Variants in P3H2 observed in about 807,000 individuals in gnomAD.
P3H2 encodes the protein leprecan-like 1.
In P3H2, 80 loss-of-function variants were observed where a neutral mutation model predicts 87.0. The observed-to-expected ratio is 0.92, with a 90% CI of 0.77 to 1.11. The LOEUF (loss-of-function observed/expected upper bound fraction) is 1.11, where lower values mean the gene tolerates loss of function less well. Among genes scored for constraint, P3H2 ranks in the 50% least tolerant of loss-of-function variants. The pLI is 0.00. For synonymous variants in P3H2, 367 were observed against 359.3 expected (o/e 1.02, Z -0.24); for missense variants, 1,001 against 923.9 (o/e 1.08, Z -1.08).
At chr3:190,079,035 C>G (rs556152553) in intron 1 of P3H2, among the ~76,000 whole-genome samples, 1 of 152,196 alleles carries the variant, frequency 6.6e-6, no homozygotes, top group Non-Finnish European at 1.5e-5. Flanking sequence ...CATCAACATT[C>G]TATGACTTAA....
chr3:190,112,939 AAGAC>A (rs1435882670), intron 1 of P3H2, among the ~76,000 whole-genome samples: 2 of 152,224 alleles, frequency 1.3e-5, no homozygotes, highest in Non-Finnish European at 2.9e-5. Context: ...GGAAAAAAAA[AAGAC>A]AGGAGGAATT....
Position 189,987,542 on chromosome 3 carries a change from G to A in P3H2, c.1083C>T (p.Ser361=), listed in dbSNP as rs1723743540. The change falls in exon 5 of 15, where the codon TCC becomes TCT. Residue 361 remains serine, a synonymous_variant. Transcript: ENST00000319332. The part of the protein sequence containing the change: ...SLLDDSIDPA[S]IEAREDLTMF... ...TTGGTCTCACCTCTCTGGCCTCAAT[G>A]GATGCCGGGTCAATGCTATCATCCA... 6.2e-7 allele frequency: 1 copy of A among 1,613,528 alleles called. No individual in the cohort carries two copies. The highest frequency in any genetic ancestry group is 1.3e-5 in the African/African-American group (1 of 74,782).
At chr3:190,075,981 G>C (rs149687099) in intron 1 of P3H2, among the ~76,000 whole-genome samples, 320 of 152,218 alleles carry the variant, frequency 2.1e-3, no homozygotes, top group Non-Finnish European at 3.7e-3. Flanking sequence ...CAGGAAATTT[G>C]AGCATGGCTT....
chr3:190,043,666 C>A (rs967066869), intron 1 of P3H2, among the ~76,000 whole-genome samples: 11 of 152,206 alleles, frequency 7.2e-5, no homozygotes, highest in Admixed American at 3.3e-4. Context: ...CAAACTAACA[C>A]ATCCCTCACC....
At chr3:189,974,257 C>T in intron 9 of P3H2, 1 of 589,670 alleles carries the variant, frequency 1.7e-6, no homozygotes, top group East Asian at 2.9e-5. Flanking sequence ...TGATATATTG[C>T]CTAATAATTA....
At chr3:190,008,655 G>A (rs942708862) in intron 1 of P3H2, among the ~76,000 whole-genome samples, 1 of 152,190 alleles carries the variant, frequency 6.6e-6, no homozygotes, top group Non-Finnish European at 1.5e-5. Context: ...AGAAAAGACT[G>A]CCACTATGCA....
At chr3:190,081,502 G>A (rs1727042881) in intron 1 of P3H2, among the ~76,000 whole-genome samples, 1 of 152,156 alleles carries the variant, frequency 6.6e-6, no homozygotes, top group Admixed American at 6.5e-5. Context: ...TTGGAAAAAA[G>A]AGAAAGGGCC....
In P3H2 at chr3:189,978,042, G is replaced by A. The variant is rs1043706824; in HGVS notation, c.1325-3357C>T. ...GGCATTCCCTCGAATATTTGGAAAA[G>A]TGAACTGTATATTCCATTCCAATTT... On this transcript the variant is annotated intron_variant, in intron 8 of 14. Transcript: ENST00000319332. Among the ~76,000 whole-genome samples the A allele has an allele frequency of 2.0e-5, 3 of 152,196 alleles. No homozygotes were observed. The South Asian group carries it at 6.2e-4, about 32-fold the overall frequency.
In P3H2 at chr3:189,972,900, T is replaced by G. The variant is rs1203434229; in HGVS notation, c.1673A>C (p.His558Pro). Residue 558 changes from histidine to proline, a missense_variant, in exon 11 of 15, where the codon CAC becomes CCC. Physicochemically the swap from His to Pro is moderately conservative, Grantham distance 77 (BLOSUM62 -2). Transcript: ENST00000319332. ...AGACAGGGCTGTTCGGCAGACCATG[T>G]GTGTATAGGAAAAATACAGAGTTGA... ...LNSTLYFSYT[H>P]MVCRTALSGQ... 1 of 1,614,144 alleles carries G rather than the reference T, an allele frequency of 6.2e-7. No homozygotes were observed. The highest frequency in any genetic ancestry group is 8.5e-7 in the Non-Finnish European group (1 of 1,180,012).
chr3:190,041,031 TATATATACACACACACACACAC>T (rs1725593912), intron 1 of P3H2, among the ~76,000 whole-genome samples: 1 of 51,706 alleles, frequency 1.9e-5, no homozygotes, highest in Admixed American at 2.9e-4. Context: ...TATATATATA[TATATATACACACACACACACAC>T]ACACACACAC....
intron 1 of P3H2, among the ~76,000 whole-genome samples, chr3:190,053,801 C>T (rs553930118): frequency 2.0e-5 from 3 of 152,100 alleles, no homozygotes; most frequent in South Asian, 4.1e-4. Flanking sequence ...TTTTATGGGG[C>T]CCAATTTGTT....
intron 1 of P3H2, among the ~76,000 whole-genome samples, chr3:190,013,228 GA>G (rs1260108588): frequency 1.3e-5 from 2 of 152,346 alleles, no homozygotes; most frequent in South Asian, 2.1e-4. Flanking sequence ...ATCAGGTGAT[GA>G]GTCAAGTGCA....
intron 1 of P3H2, among the ~76,000 whole-genome samples, chr3:190,015,919 G>GTGTGTGTGCA (rs1560363300): frequency 6.6e-6 from 1 of 152,140 alleles, no homozygotes; most frequent in Non-Finnish European, 1.5e-5. Flanking sequence ...ATTTGTGCAT[G>GTGTGTGTGCA]TGTGCATGTG....
intron 1 of P3H2, among the ~76,000 whole-genome samples, chr3:190,107,154 A>G (rs2108519932): frequency 6.6e-6 from 1 of 152,276 alleles, no homozygotes; most frequent in Non-Finnish European, 1.5e-5. Context: ...TTTTTTCTAT[A>G]TGAGTATTTA....
At chr3:190,072,482 T>C (rs984256358) in intron 1 of P3H2, among the ~76,000 whole-genome samples, 2 of 152,308 alleles carry the variant, frequency 1.3e-5, no homozygotes, top group East Asian at 1.9e-4. Context: ...TTTAGCAATA[T>C]ATATCAAATA....
intron 6 of P3H2, among the ~76,000 whole-genome samples, chr3:189,985,011 G>T (rs1055761507): frequency 1.3e-5 from 2 of 151,872 alleles, no homozygotes; most frequent in African/African-American, 2.4e-5. Context: ...ATATTTTAAG[G>T]TCTCTTGGAT....
intron 1 of P3H2, among the ~76,000 whole-genome samples, chr3:190,000,626 A>G (rs1246031402): frequency 6.6e-6 from 1 of 152,202 alleles, no homozygotes; most frequent in East Asian, 1.9e-4. Context: ...CTGAGACCTA[A>G]AAGTTGAGAA....
chr3:189,993,669 C>T (rs956687042), intron 3 of P3H2, among the ~76,000 whole-genome samples: 1 of 152,258 alleles, frequency 6.6e-6, no homozygotes, highest in Middle Eastern at 3.4e-3. Context: ...AAACACTCAT[C>T]ACTAAAGGAC....
Position 189,987,278 on chromosome 3 carries a change from C to T in P3H2, c.1098+249G>A, listed in dbSNP as rs13318687. On this transcript the variant is annotated intron_variant, in intron 5 of 14. Coordinates refer to ENST00000319332, the MANE Select transcript of P3H2 (RefSeq NM_018192.4). ...TCACCTGAGGTCGGGAGTTCGAGAC[C>T]AGCCTGACCAACATGGAGAAACCCC... 7.2e-3 allele frequency among the ~76,000 whole-genome samples: 1,093 copies of T among 152,044 alleles called. 13 individuals are homozygous for T. The highest frequency in any genetic ancestry group is 0.026 in the African/African-American group (1,063 of 41,488).
Sources: allele counts gnomAD v4.1 joint callset (sites outside exome capture counted in the v4.1 genomes callset), GRCh38; gene constraint gnomAD v4.1.1; transcripts MANE v1.5; gene names NCBI Gene and HGNC (gene_info 2026-07-23, HGNC 2026-07-21).